Variants in GIGYF2 observed in about 807,000 individuals in gnomAD.
GIGYF2 encodes the protein GRB10-interacting GYF protein 2.
GIGYF2 carries 25 observed loss-of-function variants against 208.1 expected under a neutral mutation model. The observed-to-expected ratio is 0.12, with a 90% confidence interval of 0.09 to 0.17. The LOEUF (loss-of-function observed/expected upper bound fraction) is 0.17. Among genes scored for constraint, GIGYF2 ranks in the 10% least tolerant of loss-of-function variants. The pLI is 1.00. For synonymous variants in GIGYF2, 534 were observed against 543.8 expected (o/e 0.98, Z 0.25); for missense variants, 1,302 against 1,579.4 (o/e 0.82, Z 2.98).
intron 1 of GIGYF2, among the ~76,000 whole-genome samples, chr2:232,702,308 G>A (rs1695885111): frequency 6.6e-6 from 1 of 152,020 alleles, no homozygotes; most frequent in Non-Finnish European, 1.5e-5. Flanking sequence ...GCATGGTGGT[G>A]CACACTTGTA....
At chr2:232,780,178 T>A (rs1386953528) in intron 8 of GIGYF2, among the ~76,000 whole-genome samples, 2 of 152,176 alleles carry the variant, frequency 1.3e-5, no homozygotes, top group Non-Finnish European at 2.9e-5. Flanking sequence ...TGGCCGTGGG[T>A]CAAACATGCA....
In GIGYF2 at chr2:232,827,691, C is replaced by T. The variant is rs772434432; in HGVS notation, c.2530-5166C>T. On this transcript the variant is annotated intron_variant, in intron 21 of 28. Coordinates refer to ENST00000373563, the MANE Select transcript of GIGYF2 (RefSeq NM_001103146.3). ...TTACTTATTTATCTTTTCGTTGATT[C>T]CTGCCACACAGTTATTTTCTGTCTT... 2.4e-4 allele frequency among the ~76,000 whole-genome samples: 37 copies of T among 152,126 alleles called. 1 individual carries two copies. The highest frequency in any genetic ancestry group is 2.2e-4 in the Non-Finnish European group (15 of 68,014).
At chr2:232,805,707 A>G (rs1363792828) in intron 14 of GIGYF2, among the ~76,000 whole-genome samples, 3 of 152,168 alleles carry the variant, frequency 2.0e-5, no homozygotes, top group Admixed American at 2.0e-4. Flanking sequence ...TGAGACCCCT[A>G]GTTAGCCTGC....
rs935699922 is a variant in GIGYF2 at position 232,860,571 on chromosome 2, ACT to A, written c.*3714_*3715del. 9 of 152,072 alleles carry A rather than the reference ACT, an allele frequency of 5.9e-5. No homozygotes were observed. The South Asian group carries it at 6.2e-4, about 10-fold the overall frequency. 9.4% of individuals were successfully genotyped at this position (152,072 alleles called of 1,614,324 possible). Reference sequence around the variant, plus strand: ...CATTATTAATAAAAGTATGTGAATGACTCTAATTAAACAGAAGTGATTCTTTG... The same window carrying A: ...CATTATTAATAAAAGTATGTGAATGACTAATTAAACAGAAGTGATTCTTTG... On this transcript the variant is annotated 3_prime_UTR_variant, in exon 29 of 29. Coordinates refer to ENST00000373563, the MANE Select transcript of GIGYF2 (RefSeq NM_001103146.3).
intron 28 of GIGYF2, among the ~76,000 whole-genome samples, chr2:232,854,567 G>T (rs912868120): frequency 6.6e-6 from 1 of 152,122 alleles, no homozygotes; most frequent in Non-Finnish European, 1.5e-5. Context: ...AAAAAGACTT[G>T]TGGGTTATTG....
At chr2:232,771,246 T>G in intron 8 of GIGYF2, 1 of 1,609,888 alleles carries the variant, frequency 6.2e-7, no homozygotes, top group Non-Finnish European at 8.5e-7. Context: ...CTCGAAGATA[T>G]GCAAGACCTC....
Position 232,768,647 on chromosome 2 carries a change from A to G in GIGYF2, c.532+7211A>G, listed in dbSNP as rs1406003973. 4 of 1,614,092 alleles carry G rather than the reference A, an allele frequency of 2.5e-6. No homozygotes were observed. Among genetic ancestry groups the G allele is most frequent in the Non-Finnish European group, 2.5e-6 (3 of 1,180,002 alleles). On this transcript the variant is annotated intron_variant, in intron 8 of 28. Coordinates refer to ENST00000373563, the MANE Select transcript of GIGYF2 (RefSeq NM_001103146.3). ...AGAGTTTGCCATTTTCTCTTTCCTG[A>G]TAGAGTACAGCTGAGACCCGGACAC...
At position 232,839,740 on chromosome 2, in the gene GIGYF2, A is replaced by G. The variant is rs1701760243; in HGVS notation, c.2767-109A>G. ...AGGAAATTTGAATTGAATGTGGTAA[A>G]TGGAGTTGAGAGAAATGCATTTGTT... On this transcript the variant is annotated intron_variant, in intron 22 of 28. Transcript: ENST00000373563. 3 of 1,094,480 alleles carry G rather than the reference A, an allele frequency of 2.7e-6. No individual in the cohort carries two copies. The Admixed American group carries it at 5.3e-5, about 19-fold the overall frequency. The allele number at this position is 1,094,480 out of a possible 1,614,324, so 67.8% of individuals were successfully genotyped here. A position where few individuals can be genotyped will look rare whatever the true frequency, so the allele number is the denominator to read the frequency against.
intron 27 of GIGYF2, among the ~76,000 whole-genome samples, chr2:232,849,996 C>T (rs538273117): frequency 3.3e-5 from 5 of 152,108 alleles, no homozygotes; most frequent in African/African-American, 9.7e-5. Context: ...GAAGTTCTGC[C>T]GTCACAGCAG....
At chr2:232,745,961 TA>T (rs1182452975) in intron 3 of GIGYF2, among the ~76,000 whole-genome samples, 3 of 152,234 alleles carry the variant, frequency 2.0e-5, no homozygotes, top group Middle Eastern at 3.4e-3. Context: ...ACCCAGACTT[TA>T]AAAAAATGTT....
intron 14 of GIGYF2, among the ~76,000 whole-genome samples, chr2:232,796,518 C>G (rs1351432462): frequency 6.6e-6 from 1 of 152,142 alleles, no homozygotes; most frequent in Non-Finnish European, 1.5e-5. Context: ...GATTTTAGAG[C>G]ATTTTGGATT....
Position 232,806,566 on chromosome 2 carries a change from C to A in GIGYF2, c.1715C>A (p.Ala572Glu), listed in dbSNP as rs758445866. Residue 572 changes from alanine to glutamate, a missense_variant, in exon 15 of 29, where the codon GCG (alanine) becomes GAG (glutamate). This residue lies in a region of GIGYF2 where 69 missense variants were observed against 132.8 expected (regional missense o/e 0.52). Coordinates refer to ENST00000373563, the MANE Select transcript of GIGYF2 (RefSeq NM_001103146.3). This position sits in a 1 kb window ranked among gnomAD's most constrained non-coding sequence, Gnocchi z 4.0. ...YFTMSLLVKR[A>E]CDESFQPLGD... ...ACTATGTCTTTATTGGTGAAGAGAG[C>A]GTGTGATGAAAGCTTCCAACCTCTT... The A allele has an allele frequency of 2.5e-6, 4 of 1,608,444 alleles. No individual in the cohort carries two copies. The highest frequency in any genetic ancestry group is 2.6e-6 in the Non-Finnish European group (3 of 1,175,024).
At chr2:232,776,959 GA>G (rs747267021) in intron 8 of GIGYF2, among the ~76,000 whole-genome samples, 2 of 151,894 alleles carry the variant, frequency 1.3e-5, no homozygotes, top group Non-Finnish European at 2.9e-5. Context: ...TGTCTTTGGG[GA>G]AGATTTATTT....
At chr2:232,718,176 C>T (rs919950605) in intron 2 of GIGYF2, among the ~76,000 whole-genome samples, 2 of 152,120 alleles carry the variant, frequency 1.3e-5, no homozygotes, top group African/African-American at 4.8e-5. Context: ...AGCCTCACTG[C>T]AACCTCCACC....
rs138687626 is a variant in GIGYF2 at position 232,772,183 on chromosome 2, G to T, written c.532+10747G>T. On this transcript the variant is annotated intron_variant, in intron 8 of 28. Transcript: ENST00000373563. The stretch of plus-strand genomic sequence containing the variant: ...CCCACTTCAGCCTTCCAAAGCGCTG[G>T]GATTACAGGGGTGAGCCACCATACC... Among the ~76,000 whole-genome samples, 35 of 152,178 alleles carry T rather than the reference G, an allele frequency of 2.3e-4. No individual in the cohort carries two copies. The East Asian group carries it at 6.4e-3, about 28-fold the overall frequency.
rs144131256 is a variant in GIGYF2 at position 232,706,385 on chromosome 2, C to T, written c.-44+2896C>T. Reference sequence around the variant, plus strand: ...GGCTGAGCACAGCGTGGCTTACATCCGTAATCCCAGCATGTTGGGAGGTTG... The same window carrying T: ...GGCTGAGCACAGCGTGGCTTACATCTGTAATCCCAGCATGTTGGGAGGTTG... On this transcript the variant is annotated intron_variant, in intron 2 of 28. Coordinates refer to ENST00000373563, the MANE Select transcript of GIGYF2 (RefSeq NM_001103146.3). Among the ~76,000 whole-genome samples the T allele has an allele frequency of 4.0e-4, 61 of 152,256 alleles. No individual in the cohort carries two copies. In the East Asian group the frequency reaches 8.1e-3, roughly 20 times the overall value.
chr2:232,797,213 A>G (rs1277684121), intron 14 of GIGYF2, among the ~76,000 whole-genome samples: 1 of 152,234 alleles, frequency 6.6e-6, no homozygotes, highest in Non-Finnish European at 1.5e-5. Flanking sequence ...GAATGGGCAC[A>G]GAATGCTATC....
intron 2 of GIGYF2, among the ~76,000 whole-genome samples, chr2:232,715,778 G>C (rs1035366299): frequency 6.6e-5 from 10 of 150,720 alleles, no homozygotes; most frequent in Non-Finnish European, 1.3e-4. Context: ...GGATGCCGAA[G>C]GAAAAGGTGT....
chr2:232,743,400 GAT>G (rs1319383227), intron 3 of GIGYF2, among the ~76,000 whole-genome samples: 1 of 152,200 alleles, frequency 6.6e-6, no homozygotes, highest in East Asian at 1.9e-4. Flanking sequence ...GTATGGAGGA[GAT>G]AAAGATCATA....
Sources: gnomAD v4.1 joint callset for allele counts (sites outside exome capture counted in the v4.1 genomes callset) on GRCh38, gnomAD v4.1.1 for gene constraint, gnomAD v4.1.1 regional missense constraint, Gnocchi (gnomAD v3.1) non-coding constraint, MANE v1.5 for transcripts, NCBI Gene and HGNC (gene_info 2026-07-23, HGNC 2026-07-21) for gene names.